Variants in CIART observed in about 807,000 individuals in gnomAD.
CIART encodes the protein circadian associated repressor of transcription, also known as circadian-associated transcriptional repressor.
Under a neutral mutation model 22.1 loss-of-function variants are expected in CIART, and 7 were observed. That is an observed-to-expected ratio of 0.32 (90% CI 0.18 to 0.59). The LOEUF (loss-of-function observed/expected upper bound fraction) is 0.59. CIART is among the 20% of genes least tolerant of loss of function. The pLI, the probability that CIART is intolerant of heterozygous loss-of-function variation, is 0.86. For synonymous variants in CIART, 163 were observed against 174.6 expected (o/e 0.93, Z 0.53); for missense variants, 440 against 478.0 (o/e 0.92, Z 0.74).
At chr1:150,285,120 C>T (rs950721845) in intron 4 of CIART, 1 of 208,318 alleles carries the variant, frequency 4.8e-6, no homozygotes. Context: ...GTGCCAAACC[C>T]TTTGACAGTT....
At chr1:150,284,032 T>TA in intron 2 of CIART, 152 bp downstream of exon 2, 2 of 446,014 alleles carry the variant, frequency 4.5e-6, no homozygotes, top group Admixed American at 4.2e-5. Flanking sequence ...TTATTATTAT[T>TA]TTGAGACGGA....
At position 150,286,561 on chromosome 1, in the gene CIART, T is replaced by A; in HGVS notation, c.765T>A (p.Ala255=). Residue 255 remains alanine, a synonymous_variant, in exon 5 of 5, where the codon GCT becomes GCA. Transcript: ENST00000290363. Reference sequence around the variant, plus strand: ...CTTGGCACCTCACACAATGGCCAGCTATGAACCTCACCTGGATCCACACCA... The same window carrying A: ...CTTGGCACCTCACACAATGGCCAGCAATGAACCTCACCTGGATCCACACCA... The part of the protein sequence containing the change: ...KQPWHLTQWP[A]MNLTWIHTTP... 5.0e-6 allele frequency: 8 copies of A among 1,606,230 alleles called. No homozygotes were observed. The highest frequency in any genetic ancestry group is 6.0e-6 in the Non-Finnish European group (7 of 1,172,868).
At position 150,286,940 on chromosome 1, in the gene CIART, C is replaced by G. The variant is rs1415099269; in HGVS notation, c.1144C>G (p.Leu382Val). 8 of 1,577,752 alleles carry G rather than the reference C, an allele frequency of 5.1e-6. No homozygotes were observed. The Admixed American group carries it at 1.4e-4, about 28-fold the overall frequency. ...SHPPVAADAHLLNL is the reference protein window; with the variant it reads ...SHPPVAADAHVLNL ...TCCTCCAGTTGCTGCTGATGCTCAT[C>G]TTCTCAACCTCTAGCCCAGGGCATA... The change falls in exon 5 of 5, where the codon CTT becomes GTT. Residue 382 changes from leucine (L) to valine (V), a missense_variant. Transcript: ENST00000290363.
At chr1:150,284,735 G>C (rs782144461) in intron 4 of CIART, 27 bp downstream of exon 4, 1 of 1,541,468 alleles carries the variant, frequency 6.5e-7, no homozygotes, top group South Asian at 1.1e-5. Context: ...ACGAGGAAGA[G>C]GTGGGAAAAT....
At chr1:150,284,749 C>G in intron 4 of CIART, 41 bp downstream of exon 4, 1 of 1,459,692 alleles carries the variant, frequency 6.9e-7, no homozygotes, top group Non-Finnish European at 9.6e-7. Context: ...GGAAAATAGC[C>G]AAGAAAATGA....
rs1653545425 is a variant in CIART, at chr1:150,287,091, A to G, written c.*137A>G. On this transcript the variant is annotated 3_prime_UTR_variant, in exon 5 of 5. Transcript: ENST00000290363. ...TGATTAAAGAAATTTTTTTATACCT[A>G]AACAGTTTGCTGATTGGGGGAAATT... The G allele has an allele frequency of 2.3e-6, 2 of 871,810 alleles. No homozygotes were observed. The highest frequency in any genetic ancestry group is 3.2e-6 in the Non-Finnish European group (2 of 621,458). 54.0% of individuals were successfully genotyped at this position (871,810 alleles called of 1,614,324 possible).
At position 150,287,073 on chromosome 1, in the gene CIART, A is replaced by G; in HGVS notation, c.*119A>G. 1 of 1,101,006 alleles carries G rather than the reference A, an allele frequency of 9.1e-7. No homozygotes were observed. The highest frequency in any genetic ancestry group is 2.4e-5 in the South Asian group (1 of 40,976). 68.2% of individuals were successfully genotyped at this position (1,101,006 alleles called of 1,614,324 possible). On this transcript the variant is annotated 3_prime_UTR_variant, in exon 5 of 5. Transcript: ENST00000290363. ...GGGAAGATAAATCCTTTCTGATTAA[A>G]GAAATTTTTTTATACCTAAACAGTT...
At position 150,284,669 on chromosome 1, in the gene CIART, GA is replaced by G. The variant is rs1553854277; in HGVS notation, c.596del (p.Lys199SerfsTer11). ...CTTGGTTTCCACAAATAGCTGCCCA[GA>G]AGTCATCATTGGGTGGTGGCAAGCA... ...KTWFPQIAAQ[K>X]SSLGGGKHQL... On this transcript the variant is annotated frameshift_variant, in exon 4 of 5. Coordinates refer to ENST00000290363, the MANE Select transcript of CIART (RefSeq NM_144697.4). LOFTEE classifies it low-confidence loss of function (END_TRUNC). 1 of 1,613,922 alleles carries G rather than the reference GA, an allele frequency of 6.2e-7. No homozygotes were observed. Among genetic ancestry groups the G allele is most frequent in the Non-Finnish European group, 8.5e-7 (1 of 1,179,802 alleles).
At chr1:150,286,263 A>T (rs587687569) in intron 4 of CIART, among the ~76,000 whole-genome samples, 167 bp from the exon 5 acceptor site, 1 of 152,162 alleles carries the variant, frequency 6.6e-6, no homozygotes, top group African/African-American at 2.4e-5. Context: ...TAGTTACCAA[A>T]ACTTTTACTT....
At position 150,283,055 on chromosome 1, in the gene CIART, G is replaced by T; in HGVS notation, c.-213G>T. On this transcript the variant is annotated 5_prime_UTR_variant, in exon 1 of 5. Coordinates refer to ENST00000290363, the MANE Select transcript of CIART (RefSeq NM_144697.4). ...AATCCCAAGCTCTTAATGGGCGGGG[G>T]TGGGGGTAGAAATGTCTTTTTCTAT... 1 of 378,898 alleles carries T rather than the reference G, an allele frequency of 2.6e-6. No homozygotes were observed. 23.5% of individuals were successfully genotyped at this position (378,898 alleles called of 1,614,324 possible). A position where few individuals can be genotyped will look rare whatever the true frequency, so the allele number is the denominator to read the frequency against.
Position 150,283,729 on chromosome 1 carries a change from T to C in CIART, c.367-76T>C, listed in dbSNP as rs587723252. 69 of 1,558,324 alleles carry C rather than the reference T, an allele frequency of 4.4e-5. No homozygotes were observed. In the Admixed American group the frequency reaches 6.0e-4, roughly 14 times the overall value. On this transcript the variant is annotated intron_variant, in intron 1 of 4. Transcript: ENST00000290363. ...TGAGGACAGTATTGACTCCCAGATTTGGAGGTGAAGGAAGAGCCACTGCTG... is the reference window on the plus strand; with the variant it reads ...TGAGGACAGTATTGACTCCCAGATTCGGAGGTGAAGGAAGAGCCACTGCTG...
chr1:150,284,941 A>G (rs1653400799), intron 4 of CIART: 2 of 557,904 alleles, frequency 3.6e-6, no homozygotes, highest in Non-Finnish European at 6.3e-6. Context: ...GTTTAATCCT[A>G]TCCCTCATGC....
rs753649216 is a variant in CIART at position 150,286,714 on chromosome 1, T to C, written c.918T>C (p.Ser306=). The change falls in exon 5 of 5, where the codon TCT becomes TCC. Residue 306 remains serine (S), a synonymous_variant. Coordinates refer to ENST00000290363, the MANE Select transcript of CIART (RefSeq NM_144697.4). The part of the protein sequence containing the change: ...LQHGVQPFTH[S]APTTPVPPTT... Reference sequence around the variant, plus strand: ...ATGGAGTGCAACCCTTCACCCACTCTGCCCCAACCACCCCAGTCCCACCTA... The same window carrying C: ...ATGGAGTGCAACCCTTCACCCACTCCGCCCCAACCACCCCAGTCCCACCTA... 6.2e-7 allele frequency: 1 copy of C among 1,613,982 alleles called. No individual in the cohort carries two copies. Among genetic ancestry groups the C allele is most frequent in the Non-Finnish European group, 8.5e-7 (1 of 1,179,844 alleles).
At position 150,286,804 on chromosome 1, in the gene CIART, C is replaced by T; in HGVS notation, c.1008C>T (p.Tyr336=). The T allele has an allele frequency of 6.2e-7, 1 of 1,613,782 alleles. No individual in the cohort carries two copies. Among genetic ancestry groups the T allele is most frequent in the Non-Finnish European group, 8.5e-7 (1 of 1,179,694 alleles). The part of the protein sequence containing the change: ...MKLSGEGPRC[Y]SLPVTLPSDW... ...TATCTGGAGAGGGTCCTCGTTGCTA[C>T]AGTTTGCCAGTAACTCTGCCATCAG... The change falls in exon 5 of 5, where the codon TAC becomes TAT. Residue 336 remains tyrosine, a synonymous_variant. Transcript: ENST00000290363.
chr1:150,284,633 G>C lies in CIART; in HGVS notation c.558G>C (p.Gly186=). The change falls in exon 4 of 5, where the codon GGG becomes GGC. Residue 186 remains glycine, a synonymous_variant. Transcript: ENST00000290363. ...RYLGTLLQVE[G]MLKTWFPQIA... ...TAGGAACCTTGCTACAGGTAGAAGG[G>C]ATGTTAAAGACTTGGTTTCCACAAA... is the stretch of plus-strand genomic sequence containing the variant. 6.2e-7 allele frequency: 1 copy of C among 1,613,938 alleles called. No homozygotes were observed. Among genetic ancestry groups the C allele is most frequent in the Non-Finnish European group, 8.5e-7 (1 of 1,179,838 alleles).
chr1:150,286,662 G>A lies in CIART; in HGVS notation c.866G>A (p.Gly289Asp). The change falls in exon 5 of 5, where the codon GGC becomes GAC. Residue 289 changes from glycine to aspartate, a missense_variant. Coordinates refer to ENST00000290363, the MANE Select transcript of CIART (RefSeq NM_144697.4). ...FSHGPLGTGTGIGVILFLQHG... is the reference protein window; with the variant it reads ...FSHGPLGTGTDIGVILFLQHG... ...CATGGTCCTTTAGGCACTGGAACCG[G>A]CATTGGCGTCATTCTTTTCCTCCAG... 1 of 1,614,038 alleles carries A rather than the reference G, an allele frequency of 6.2e-7. No individual in the cohort carries two copies. The highest frequency in any genetic ancestry group is 1.1e-5 in the South Asian group (1 of 91,082).
At position 150,283,585 on chromosome 1, in the gene CIART, A is replaced by G. The variant is rs1553854012; in HGVS notation, c.318A>G (p.Leu106=). 15 of 1,613,922 alleles carry G rather than the reference A, an allele frequency of 9.3e-6. No individual in the cohort carries two copies. The highest frequency in any genetic ancestry group is 1.3e-5 in the Non-Finnish European group (15 of 1,179,882). The stretch of plus-strand genomic sequence containing the variant: ...GAGATGGTGAACTGGAGACCAGTCT[A>G]AACACCCAAGGTTGTACCACAGAGG... ...RSRDGELETS[L]NTQGCTTEGD... is the part of the protein sequence containing the mutation. The change falls in exon 1 of 5, where the codon CTA becomes CTG. Residue 106 remains leucine (L), a synonymous_variant. Coordinates refer to ENST00000290363, the MANE Select transcript of CIART (RefSeq NM_144697.4).
Position 150,283,333 on chromosome 1 carries a change from C to T in CIART, c.66C>T (p.Ser22=). Residue 22 remains serine (S), a synonymous_variant, in exon 1 of 5, where the codon TCC becomes TCT. Coordinates refer to ENST00000290363, the MANE Select transcript of CIART (RefSeq NM_144697.4). The part of the protein sequence containing the change: ...SYSLSSSFPT[S]PVNSDFGFPS... ...CTCTCTCTTCGTCTTTTCCCACCTC[C>T]CCAGTGAACAGTGACTTTGGCTTCC... 1 of 1,560,160 alleles carries T rather than the reference C, an allele frequency of 6.4e-7. No individual in the cohort carries two copies. Among genetic ancestry groups the T allele is most frequent in the Non-Finnish European group, 8.7e-7 (1 of 1,155,184 alleles).
intron 4 of CIART, 101 bp downstream of exon 4, chr1:150,284,809 C>T: frequency 1.3e-6 from 1 of 785,726 alleles, no homozygotes; most frequent in Non-Finnish European, 2.1e-6. Flanking sequence ...TGAGTCTTTT[C>T]TTCAAGTTTC....
Sources: allele counts gnomAD v4.1 joint callset (sites outside exome capture counted in the v4.1 genomes callset), GRCh38; gene constraint gnomAD v4.1.1; transcripts MANE v1.5; gene names NCBI Gene and HGNC (gene_info 2026-07-23, HGNC 2026-07-21).